Variants in RUNX1 observed in about 807,000 individuals in gnomAD.
RUNX1 encodes the protein RUNX family transcription factor 1.
Under a neutral mutation model 42.8 loss-of-function variants are expected in RUNX1, and 19 were observed. The observed-to-expected ratio is 0.44, with a 90% CI of 0.31 to 0.65. The LOEUF is 0.65. Among genes scored for constraint, RUNX1 ranks in the 30% least tolerant of loss-of-function variants. The probability of loss-of-function intolerance (pLI) is 0.07; values close to 1 mark genes in which losing one functional copy is unlikely to be tolerated. For missense variants in RUNX1, 528 were observed against 672.0 expected, an observed-to-expected ratio of 0.79 and a Z score of 2.37; for synonymous variants, 271 against 289.4, an observed-to-expected ratio of 0.94 and a Z score of 0.64.
At chr21:34,921,564 A>G (rs778268142) in intron 2 of RUNX1, among the ~76,000 whole-genome samples, 5 of 152,166 alleles carry the variant, frequency 3.3e-5, no homozygotes, top group Admixed American at 6.5e-5. Flanking sequence ...CCTTTTGGCT[A>G]TTGCGACCCA....
intron 2 of RUNX1, among the ~76,000 whole-genome samples, chr21:34,978,802 C>T (rs1295067099): frequency 6.6e-6 from 1 of 152,036 alleles, no homozygotes; most frequent in African/African-American, 2.4e-5. Flanking sequence ...TTGTTTAAAC[C>T]TCTGTCTGCT....
intron 6 of RUNX1, among the ~76,000 whole-genome samples, chr21:34,841,504 AC>A (rs910918167): frequency 3.3e-5 from 5 of 152,108 alleles, no homozygotes; most frequent in African/African-American, 1.2e-4. Context: ...CTCTCAGGTG[AC>A]ATGAAGTACA....
At chr21:35,000,765 C>G (rs2059036270) in intron 2 of RUNX1, among the ~76,000 whole-genome samples, 1 of 152,146 alleles carries the variant, frequency 6.6e-6, no homozygotes, top group Non-Finnish European at 1.5e-5. Flanking sequence ...ACATCATTGC[C>G]TTTTGGTATG....
At chr21:34,949,642 C>A (rs1029973931) in intron 2 of RUNX1, among the ~76,000 whole-genome samples, 1 of 152,230 alleles carries the variant, frequency 6.6e-6, no homozygotes, top group African/African-American at 2.4e-5. Context: ...TAGCTCCAAC[C>A]CCAATCGCTG....
At chr21:34,963,336 C>A (rs920474560) in intron 2 of RUNX1, among the ~76,000 whole-genome samples, 3 of 152,146 alleles carry the variant, frequency 2.0e-5, no homozygotes, top group African/African-American at 7.2e-5. Flanking sequence ...AGAGGCTGTC[C>A]AGGACAGTAG....
chr21:35,005,729 A>G (rs1250753694), intron 2 of RUNX1, among the ~76,000 whole-genome samples: 1 of 152,244 alleles, frequency 6.6e-6, no homozygotes, highest in Non-Finnish European at 1.5e-5. Context: ...CTGTACATGG[A>G]GGAAGAACAT....
Position 34,791,637 on chromosome 21 carries a change from C to T in RUNX1, c.*498G>A. On this transcript the variant is annotated 3_prime_UTR_variant, in exon 9 of 9. Coordinates refer to ENST00000675419, the MANE Select transcript of RUNX1 (RefSeq NM_001754.5). ...TACGCATTTTGCAATTGATAAGGTG[C>T]GGAAAAATTAAAAATAAGAATTAGA... The T allele has an allele frequency of 4.3e-6, 1 of 230,170 alleles. No individual in the cohort carries two copies. The highest frequency in any genetic ancestry group is 8.6e-6 in the Non-Finnish European group (1 of 115,952). The allele number at this position is 230,170 out of a possible 1,614,324, so 14.3% of individuals were successfully genotyped here. A position where few individuals can be genotyped will look rare whatever the true frequency, so the allele number is the denominator to read the frequency against.
At chr21:34,936,325 T>A (rs2058485375) in intron 2 of RUNX1, among the ~76,000 whole-genome samples, 1 of 152,064 alleles carries the variant, frequency 6.6e-6, no homozygotes, top group South Asian at 2.1e-4. Context: ...TTTAAATTAG[T>A]ACAAAACTTG....
chr21:34,920,290 C>T (rs945064635), intron 2 of RUNX1, among the ~76,000 whole-genome samples: 3 of 152,122 alleles, frequency 2.0e-5, no homozygotes, highest in African/African-American at 7.2e-5. Flanking sequence ...CCCAAAACCC[C>T]AGCCTTTTCT....
At chr21:34,859,661 C>G (rs1331730676) in intron 5 of RUNX1, 83 bp from the exon 6 acceptor site, 1 of 1,133,134 alleles carries the variant, frequency 8.8e-7, no homozygotes, top group African/African-American at 1.5e-5. Flanking sequence ...TTAATTTATG[C>G]TGTCCAGCCC....
Position 34,893,054 on chromosome 21 carries a change from C to A in RUNX1, c.59-91G>T, listed in dbSNP as rs868468370. ...TTTTTTTTTTGCTAGCTCATTTCTT[C>A]TTACACTTTTTAGCACTGGAGATTT... On this transcript the variant is annotated intron_variant, in intron 2 of 8. Transcript: ENST00000675419. 6.2e-6 allele frequency: 5 copies of A among 800,944 alleles called. No homozygotes were observed. In the Middle Eastern group the frequency reaches 1.2e-3, roughly 186 times the overall value. The allele number at this position is 800,944 out of a possible 1,614,324, so 49.6% of individuals were successfully genotyped here. A position where few individuals can be genotyped will look rare whatever the true frequency, so the allele number is the denominator to read the frequency against.
intron 6 of RUNX1, among the ~76,000 whole-genome samples, chr21:34,852,411 C>G (rs1444808314): frequency 6.6e-6 from 1 of 152,150 alleles, no homozygotes; most frequent in Non-Finnish European, 1.5e-5. Context: ...TCAAGGAAGT[C>G]TGTATGCATG....
chr21:35,047,323 C>T (rs768282756), intron 2 of RUNX1, among the ~76,000 whole-genome samples: 1 of 151,944 alleles, frequency 6.6e-6, no homozygotes, highest in South Asian at 2.1e-4. Flanking sequence ...CACCAGTGGC[C>T]GGTGTCTCTG....
rs1464816967 is a variant in RUNX1 at position 34,791,940 on chromosome 21, G to A, written c.*195C>T. The A allele has an allele frequency of 1.5e-4, 52 of 358,404 alleles. No individual in the cohort carries two copies. The highest frequency in any genetic ancestry group is 2.3e-4 in the Non-Finnish European group (44 of 191,824). 22.2% of individuals were successfully genotyped at this position (358,404 alleles called of 1,614,324 possible). ...GCCGGGGCGCCAGCAGACGGCGGCG[G>A]CGTGGGCTTCTGGGCGCAGGAGGCT... On this transcript the variant is annotated 3_prime_UTR_variant, in exon 9 of 9. Transcript: ENST00000675419.
intron 5 of RUNX1, among the ~76,000 whole-genome samples, chr21:34,879,122 C>T (rs1291401660): frequency 2.0e-5 from 3 of 152,234 alleles, no homozygotes; most frequent in South Asian, 4.1e-4. Context: ...CTGCCAGCTA[C>T]TCATCCGAAG....
At chr21:34,824,804 T>C (rs1756079540) in intron 7 of RUNX1, among the ~76,000 whole-genome samples, 1 of 152,160 alleles carries the variant, frequency 6.6e-6, no homozygotes, top group Non-Finnish European at 1.5e-5. Flanking sequence ...AGCCCTAAAA[T>C]AACTGAATTC....
rs537564353 is a variant in RUNX1 at position 34,788,046 on chromosome 21, T to C, written c.*4089A>G. On this transcript the variant is annotated 3_prime_UTR_variant, in exon 9 of 9. Coordinates refer to ENST00000675419, the MANE Select transcript of RUNX1 (RefSeq NM_001754.5). ...CTCTCCTGTGCTATCTAGAAACACC[T>C]TGGAGAGAGGGTTCTGGGATATTCT... is the stretch of plus-strand genomic sequence containing the variant. The C allele has an allele frequency of 4.3e-6, 1 of 233,324 alleles. No individual in the cohort carries two copies. The highest frequency in any genetic ancestry group is 1.8e-4 in the South Asian group (1 of 5,530). 14.5% of individuals were successfully genotyped at this position (233,324 alleles called of 1,614,324 possible). A position where few individuals can be genotyped will look rare whatever the true frequency, so the allele number is the denominator to read the frequency against.
At chr21:34,969,535 A>AT (rs1423788530) in intron 2 of RUNX1, among the ~76,000 whole-genome samples, 2 of 152,198 alleles carry the variant, frequency 1.3e-5, no homozygotes, top group Admixed American at 6.5e-5. Context: ...CAATTATCAG[A>AT]TTTTGCATTT....
chr21:35,026,627 G>A lies in RUNX1; in HGVS notation c.58+22215C>T, dbSNP rs146835690. 2.6e-5 allele frequency among the ~76,000 whole-genome samples: 4 copies of A among 152,348 alleles called. No homozygotes were observed. In the East Asian group the frequency reaches 7.7e-4, roughly 29 times the overall value. ...CTTAAACGGTGTCATTTTCATGACA[G>A]CTCGTAAATTTTGGCCTCCTATGGG... On this transcript the variant is annotated intron_variant, in intron 2 of 8. Coordinates refer to ENST00000675419, the MANE Select transcript of RUNX1 (RefSeq NM_001754.5).
Sources: allele counts gnomAD v4.1 joint callset (sites outside exome capture counted in the v4.1 genomes callset), GRCh38; gene constraint gnomAD v4.1.1; transcripts MANE v1.5; gene names NCBI Gene and HGNC (gene_info 2026-07-23, HGNC 2026-07-21).